PTPRD: variants seen among roughly 807,000 people sequenced by gnomAD.
PTPRD encodes protein tyrosine phosphatase receptor type D, also known as receptor-type tyrosine-protein phosphatase delta.
PTPRD carries 34 observed loss-of-function variants against 214.5 expected under a neutral mutation model. That is an observed-to-expected ratio of 0.16 (90% confidence interval 0.12 to 0.21). The LOEUF (loss-of-function observed/expected upper bound fraction) is 0.21. Ranked by LOEUF, PTPRD falls within the 10% of genes least tolerant of loss-of-function variation. PTPRD has a pLI of 1.00. For missense variants in PTPRD, 2,545 were observed against 2,398.7 expected, an observed-to-expected ratio of 1.06 and a Z score of -1.27; for synonymous variants, 1,128 against 845.7, an observed-to-expected ratio of 1.33 and a Z score of -5.79.
At chr9:9,611,744 T>A (rs1047826225) in intron 7 of PTPRD, among the ~76,000 whole-genome samples, 17 of 152,134 alleles carry the variant, frequency 1.1e-4, no homozygotes, top group African/African-American at 3.9e-4. Flanking sequence ...TTGACTGATG[T>A]AGAAGTATTT....
At chr9:10,543,077 G>T in intron 2 of PTPRD, among the ~76,000 whole-genome samples, 1 of 151,840 alleles carries the variant, frequency 6.6e-6, no homozygotes, top group Non-Finnish European at 1.5e-5. Flanking sequence ...TAGAGATGGG[G>T]CTTATCCACG....
At position 9,856,993 on chromosome 9, in the gene PTPRD, C is replaced by A. The variant is rs1186733819; in HGVS notation, c.-368+81514G>T. Among the ~76,000 whole-genome samples, 5 of 152,252 alleles carry A rather than the reference C, an allele frequency of 3.3e-5. No individual in the cohort carries two copies. In the South Asian group the frequency reaches 8.3e-4, roughly 25 times the overall value. ...AATGGACCAATGTATTATTTTTCCT[C>A]TTTTTGACCTCTCAAGATCAGCTGT... On this transcript the variant is annotated intron_variant, in intron 5 of 45. Coordinates refer to ENST00000381196, the MANE Select transcript of PTPRD (RefSeq NM_002839.4).
At position 8,643,378 on chromosome 9, in the gene PTPRD, GAAGAAAGA is replaced by G. The variant is rs199686783; in HGVS notation, c.65-6542_65-6535del. On this transcript the variant is annotated intron_variant, in intron 12 of 45. Transcript: ENST00000381196. ...GGAGGGAAGGAAGGAAGGAAGGCAG[GAAGAAAGA>G]AAGGAAGGAAGGAAAATATATGAAA... Among the ~76,000 whole-genome samples, 1,141 of 152,158 alleles carry G rather than the reference GAAGAAAGA, an allele frequency of 7.5e-3. 7 individuals are homozygous for G. The highest frequency in any genetic ancestry group is 0.012 in the Non-Finnish European group (788 of 67,982).
At chr9:8,610,240 T>C (rs1000317272) in intron 14 of PTPRD, among the ~76,000 whole-genome samples, 3 of 152,164 alleles carry the variant, frequency 2.0e-5, no homozygotes, top group African/African-American at 7.2e-5. Flanking sequence ...CTTCACAGGA[T>C]TGCTGTGAAA....
chr9:10,042,204 G>A (rs984204225), intron 3 of PTPRD, among the ~76,000 whole-genome samples: 1 of 151,900 alleles, frequency 6.6e-6, no homozygotes, highest in Admixed American at 6.6e-5. Flanking sequence ...CTTTTCACCT[G>A]TTCAGCTGCC....
At position 10,536,492 on chromosome 9, in the gene PTPRD, A is replaced by T. The variant is rs547172851; in HGVS notation, c.-600+75906T>A. On this transcript the variant is annotated intron_variant, in intron 2 of 45. Coordinates refer to ENST00000381196, the MANE Select transcript of PTPRD (RefSeq NM_002839.4). Reference sequence around the variant, plus strand: ...TATTTTCATGTTTATGAGAAACTTCATAATAATAATTTTAAATAAACTTCC... The same window carrying T: ...TATTTTCATGTTTATGAGAAACTTCTTAATAATAATTTTAAATAAACTTCC... 2.6e-5 allele frequency among the ~76,000 whole-genome samples: 4 copies of T among 152,280 alleles called. No individual in the cohort carries two copies. The South Asian group carries it at 8.3e-4, about 32-fold the overall frequency.
chr9:8,366,543 G>A (rs2079926686), intron 39 of PTPRD, among the ~76,000 whole-genome samples: 1 of 152,208 alleles, frequency 6.6e-6, no homozygotes, highest in East Asian at 1.9e-4. Context: ...GTAAATTTCT[G>A]TGATTTAAAA....
At chr9:9,374,524 A>T (rs915457751) in intron 9 of PTPRD, among the ~76,000 whole-genome samples, 2 of 152,190 alleles carry the variant, frequency 1.3e-5, no homozygotes, top group African/African-American at 4.8e-5. Flanking sequence ...AATAGGATGA[A>T]GCTGAATGAG....
At chr9:10,320,501 G>C (rs1158828805) in intron 3 of PTPRD, among the ~76,000 whole-genome samples, 1 of 151,924 alleles carries the variant, frequency 6.6e-6, no homozygotes, top group Non-Finnish European at 1.5e-5. Flanking sequence ...AAAAACGAAT[G>C]TATCTTCTGA....
At chr9:8,784,182 G>A (rs1225574056) in intron 11 of PTPRD, among the ~76,000 whole-genome samples, 1 of 152,150 alleles carries the variant, frequency 6.6e-6, no homozygotes, top group African/African-American at 2.4e-5. Context: ...ACTCTGCCAA[G>A]CTAATAATGG....
chr9:10,218,821 A>T (rs1000366784), intron 3 of PTPRD, among the ~76,000 whole-genome samples: 1 of 151,962 alleles, frequency 6.6e-6, no homozygotes, highest in South Asian at 2.1e-4. Flanking sequence ...CATAATTGTC[A>T]TATATTTATT....
At chr9:10,482,511 T>TACC (rs71332745) in intron 2 of PTPRD, among the ~76,000 whole-genome samples, 1 of 151,682 alleles carries the variant, frequency 6.6e-6, no homozygotes, top group Non-Finnish European at 1.5e-5. Flanking sequence ...TATGATCTTA[T>TACC]CTTAGAAAAC....
intron 10 of PTPRD, among the ~76,000 whole-genome samples, chr9:9,082,951 A>G (rs1317445422): frequency 6.6e-6 from 1 of 152,328 alleles, no homozygotes; most frequent in East Asian, 1.9e-4. Flanking sequence ...AGGAAGAATC[A>G]ATATCATGAA....
At chr9:9,155,937 C>T (rs1321634743) in intron 10 of PTPRD, among the ~76,000 whole-genome samples, 4 of 152,138 alleles carry the variant, frequency 2.6e-5, no homozygotes, top group Admixed American at 1.3e-4. Flanking sequence ...GCTTTAGCTT[C>T]CTTGAACAGA....
Position 8,484,361 on chromosome 9 carries a change from C to T in PTPRD, c.3171G>A (p.Gly1057=), listed in dbSNP as rs2096952049. 1 of 1,613,598 alleles carries T rather than the reference C, an allele frequency of 6.2e-7. No individual in the cohort carries two copies. The highest frequency in any genetic ancestry group is 2.2e-5 in the East Asian group (1 of 44,864). ...GGCCATCCACTTCTTCTACCATTTT[C>T]CCATCATCATAAAGAATCTAAAGAG... The part of the protein sequence containing the change: ...AMPFKILYDD[G]KMVEEVDGRA... Residue 1057 remains glycine, a synonymous_variant, in exon 30 of 46, where the codon GGG becomes GGA. Coordinates refer to ENST00000381196, the MANE Select transcript of PTPRD (RefSeq NM_002839.4).
chr9:9,416,511 G>C (rs536806590), intron 8 of PTPRD, among the ~76,000 whole-genome samples: 1 of 152,244 alleles, frequency 6.6e-6, no homozygotes, highest in Admixed American at 6.5e-5. Context: ...TGTTATTGCT[G>C]TCAGAACACG....
At chr9:9,131,961 G>C (rs1054345039) in intron 10 of PTPRD, among the ~76,000 whole-genome samples, 33 of 152,106 alleles carry the variant, frequency 2.2e-4, no homozygotes, top group African/African-American at 7.9e-4. Context: ...AGGGGGAATT[G>C]TTTAGTCTAC....
intron 2 of PTPRD, among the ~76,000 whole-genome samples, chr9:10,485,337 C>A (rs1473502968): frequency 1.3e-5 from 2 of 152,014 alleles, no homozygotes; most frequent in East Asian, 3.9e-4. Flanking sequence ...ACAGTTTAGA[C>A]TATTCTGAGT....
chr9:9,528,730 T>C (rs2074745016), intron 8 of PTPRD, among the ~76,000 whole-genome samples: 1 of 151,850 alleles, frequency 6.6e-6, no homozygotes, highest in African/African-American at 2.4e-5. Context: ...AAGGAAATAT[T>C]GCATGCAGAT....
Sources: gnomAD v4.1 joint callset for allele counts (sites outside exome capture counted in the v4.1 genomes callset) on GRCh38, gnomAD v4.1.1 for gene constraint, MANE v1.5 for transcripts, NCBI Gene and HGNC (gene_info 2026-07-23, HGNC 2026-07-21) for gene names.